SHISA6: variants seen among roughly 807,000 people sequenced by gnomAD.
SHISA6 encodes the protein shisa family member 6, also known as protein shisa-6.
SHISA6 carries 22 observed loss-of-function variants against 47.9 expected under a neutral mutation model. The observed-to-expected ratio is 0.46, with a 90% CI of 0.33 to 0.66. The LOEUF (loss-of-function observed/expected upper bound fraction) is 0.66, where lower values mean the gene tolerates loss of function less well. SHISA6 is among the 30% of genes least tolerant of loss of function. The pLI, the probability that SHISA6 is intolerant of heterozygous loss-of-function variation, is 0.02. For synonymous variants in SHISA6, 388 were observed against 337.8 expected, an observed-to-expected ratio of 1.15 and a Z score of -1.63; for missense variants, 680 against 764.6, an observed-to-expected ratio of 0.89 and a Z score of 1.30.
intron 3 of SHISA6, among the ~76,000 whole-genome samples, chr17:11,517,371 A>C (rs914517027): frequency 2.6e-5 from 4 of 152,204 alleles, no homozygotes; most frequent in Non-Finnish European, 5.9e-5. Flanking sequence ...GATAAGGTGA[A>C]CATAGAGTAG....
intron 1 of SHISA6, among the ~76,000 whole-genome samples, chr17:11,259,311 A>C (rs540782602): frequency 1.8e-4 from 28 of 152,306 alleles, no homozygotes; most frequent in African/African-American, 6.0e-4. Context: ...AACCTCTAAA[A>C]GTTTTCATTT....
At chr17:11,363,656 T>C (rs932810192) in intron 2 of SHISA6, among the ~76,000 whole-genome samples, 3 of 152,180 alleles carry the variant, frequency 2.0e-5, no homozygotes, top group Non-Finnish European at 2.9e-5. Context: ...GATTGAGGTA[T>C]TGAGGTAGGA....
intron 3 of SHISA6, among the ~76,000 whole-genome samples, chr17:11,517,212 A>T (rs574278951): frequency 1.7e-4 from 26 of 152,190 alleles, no homozygotes; most frequent in Non-Finnish European, 1.5e-5. Flanking sequence ...TGAGGGTTTC[A>T]TTCTTTAAAG....
At chr17:11,441,043 A>G (rs975419767) in intron 3 of SHISA6, among the ~76,000 whole-genome samples, 18 of 152,164 alleles carry the variant, frequency 1.2e-4, no homozygotes, top group African/African-American at 3.4e-4. Context: ...GTAGTCACTC[A>G]CTGCCACCTT....
chr17:11,341,337 T>TC (rs1911522722), intron 2 of SHISA6, among the ~76,000 whole-genome samples: 2 of 144,008 alleles, frequency 1.4e-5, no homozygotes, highest in African/African-American at 5.2e-5. Context: ...TCTTTTTTTT[T>TC]TTTTTTTTTT....
At chr17:11,492,231 G>T (rs1412654701) in intron 3 of SHISA6, among the ~76,000 whole-genome samples, 1 of 152,158 alleles carries the variant, frequency 6.6e-6, no homozygotes, top group Non-Finnish European at 1.5e-5. Context: ...AGGCCACAGA[G>T]GGTTGAGGGT....
intron 3 of SHISA6, among the ~76,000 whole-genome samples, chr17:11,475,491 G>A (rs1035042311): frequency 6.6e-6 from 1 of 152,072 alleles, no homozygotes; most frequent in Non-Finnish European, 1.5e-5. Context: ...TATCATGAAT[G>A]TGTTTTTGAT....
intron 2 of SHISA6, among the ~76,000 whole-genome samples, chr17:11,276,879 C>G (rs143422993): frequency 5.9e-5 from 9 of 152,234 alleles, no homozygotes; most frequent in African/African-American, 2.2e-4. Flanking sequence ...ACTTACATAA[C>G]TATGATACAA....
chr17:11,463,722 C>G (rs1290439541), intron 3 of SHISA6, among the ~76,000 whole-genome samples: 2 of 152,148 alleles, frequency 1.3e-5, no homozygotes, highest in Non-Finnish European at 2.9e-5. Flanking sequence ...ACAGCTACAT[C>G]GTACTTTATG....
intron 2 of SHISA6, among the ~76,000 whole-genome samples, chr17:11,354,862 C>T (rs1425667269): frequency 6.6e-6 from 1 of 152,168 alleles, no homozygotes; most frequent in Non-Finnish European, 1.5e-5. Flanking sequence ...GTCTGTGTTC[C>T]ATTGAGCTTT....
chr17:11,277,735 A>G (rs1478202154), intron 2 of SHISA6, among the ~76,000 whole-genome samples: 1 of 152,092 alleles, frequency 6.6e-6, no homozygotes, highest in Non-Finnish European at 1.5e-5. Context: ...AGGCAACCAG[A>G]TTCCTTCTAT....
chr17:11,478,956 A>T (rs566748909), intron 3 of SHISA6, among the ~76,000 whole-genome samples: 2 of 152,218 alleles, frequency 1.3e-5, no homozygotes, highest in African/African-American at 4.8e-5. Flanking sequence ...AATTCTGTGA[A>T]GAAAGTCATT....
intron 2 of SHISA6, among the ~76,000 whole-genome samples, chr17:11,300,432 A>G (rs1597446868): frequency 2.0e-5 from 3 of 152,150 alleles, no homozygotes; most frequent in Non-Finnish European, 4.4e-5. Context: ...ATCCGAGTGC[A>G]TCTTAGAATC....
chr17:11,277,032 G>A (rs1049067043), intron 2 of SHISA6, among the ~76,000 whole-genome samples: 3 of 152,182 alleles, frequency 2.0e-5, no homozygotes, highest in Admixed American at 2.0e-4. Flanking sequence ...AGGACTTTTG[G>A]CCAGACCAAA....
At chr17:11,370,454 C>A (rs1325125071) in intron 2 of SHISA6, among the ~76,000 whole-genome samples, 1 of 152,110 alleles carries the variant, frequency 6.6e-6, no homozygotes, top group African/African-American at 2.4e-5. Context: ...GTTTCAAACA[C>A]AAAGCACCAG....
At chr17:11,326,498 T>C (rs11868892) in intron 2 of SHISA6, among the ~76,000 whole-genome samples, 41,166 of 152,072 alleles carry the variant, frequency 0.27, 6,477 homozygotes, top group Non-Finnish European at 0.35. Flanking sequence ...GTGAATTCTA[T>C]GGTCTATCAG....
intron 2 of SHISA6, among the ~76,000 whole-genome samples, chr17:11,366,009 G>A (rs556742272): frequency 6.6e-6 from 1 of 152,320 alleles, no homozygotes; most frequent in East Asian, 1.9e-4. Context: ...TGCAAAGGAT[G>A]TAAGACAGGC....
rs142976613 is a variant in SHISA6, at chr17:11,457,124, T to G, written c.895+77615T>G. Reference sequence around the variant, plus strand: ...CTGCAAATCTCTGCCTCATTGAATATGCATGGTGACCAACTGAATATTTAT... The same window carrying G: ...CTGCAAATCTCTGCCTCATTGAATAGGCATGGTGACCAACTGAATATTTAT... On this transcript the variant is annotated intron_variant, in intron 3 of 5. Transcript: ENST00000441885. Among the ~76,000 whole-genome samples the G allele has an allele frequency of 2.3e-4, 35 of 152,324 alleles. No individual in the cohort carries two copies. In the East Asian group the frequency reaches 6.8e-3, roughly 29 times the overall value.
rs56048344 is a variant in SHISA6, at chr17:11,388,790, T to TTATATATATA, written c.895+9323_895+9332dup. ...ACAGAACTACTGTTCAAACAAAAGT[T>TTATATATATA]TATATATATATATATATATATATAT... is the stretch of plus-strand genomic sequence containing the variant. On this transcript the variant is annotated intron_variant, in intron 3 of 5. Transcript: ENST00000441885. Among the ~76,000 whole-genome samples, 83 of 49,980 alleles carry TTATATATATA rather than the reference T, an allele frequency of 1.7e-3. 2 individuals are homozygous for TTATATATATA. The highest frequency in any genetic ancestry group is 2.0e-3 in the Non-Finnish European group (54 of 26,448). The allele number at this position is 49,980 out of a possible 152,430, so 32.8% of individuals were successfully genotyped here. A position where few individuals can be genotyped will look rare whatever the true frequency, so the allele number is the denominator to read the frequency against.
Sources: allele counts gnomAD v4.1 joint callset (sites outside exome capture counted in the v4.1 genomes callset), GRCh38; gene constraint gnomAD v4.1.1; transcripts MANE v1.5; gene names NCBI Gene and HGNC (gene_info 2026-07-23, HGNC 2026-07-21).